The following PIEZO2 variants were observed in gnomAD, a reference collection of about 807,000 sequenced individuals.
PIEZO2 encodes the protein piezo-type mechanosensitive ion channel component 2.
PIEZO2 carries 172 observed loss-of-function variants against 337.3 expected under a neutral mutation model. That is an observed-to-expected ratio of 0.51 (90% CI 0.45 to 0.58). PIEZO2 has a LOEUF of 0.58. PIEZO2 is among the 20% of genes least tolerant of loss of function. PIEZO2 has a pLI of 0.00. For missense variants in PIEZO2, 3,028 were observed against 3,391.3 expected, an observed-to-expected ratio of 0.89 and a Z score of 2.66; for synonymous variants, 1,251 against 1,228.5, an observed-to-expected ratio of 1.02 and a Z score of -0.38.
At chr18:10,836,526 T>C (rs2041019118) in intron 7 of PIEZO2, among the ~76,000 whole-genome samples, 1 of 152,234 alleles carries the variant, frequency 6.6e-6, no homozygotes, top group Admixed American at 6.5e-5. Context: ...AACTGTTTAA[T>C]GTGAAGCTAT....
At chr18:10,745,187 C>T (rs1006343705) in intron 30 of PIEZO2, among the ~76,000 whole-genome samples, 8 of 152,152 alleles carry the variant, frequency 5.3e-5, no homozygotes, top group African/African-American at 1.9e-4. Context: ...GAAGAGGTAC[C>T]CTTTGTCTGA....
chr18:10,917,254 T>C (rs147037904), intron 3 of PIEZO2, among the ~76,000 whole-genome samples: 13 of 152,306 alleles, frequency 8.5e-5, no homozygotes, highest in Non-Finnish European at 1.6e-4. Flanking sequence ...TTACTTTAAA[T>C]CAGACATCTG....
intron 1 of PIEZO2, among the ~76,000 whole-genome samples, chr18:11,084,085 G>A (rs547821447): frequency 1.3e-5 from 2 of 149,638 alleles, no homozygotes; most frequent in East Asian, 2.0e-4. Context: ...GCTGAGGCAG[G>A]AGAATCACTT....
At chr18:10,892,716 A>G (rs2097635984) in intron 4 of PIEZO2, among the ~76,000 whole-genome samples, 1 of 152,196 alleles carries the variant, frequency 6.6e-6, no homozygotes, top group South Asian at 2.1e-4. Flanking sequence ...TTTAGCATGA[A>G]ACAATAAAGA....
At chr18:10,722,688 A>C (rs1047093899) in intron 36 of PIEZO2, among the ~76,000 whole-genome samples, 3 of 152,226 alleles carry the variant, frequency 2.0e-5, no homozygotes, top group African/African-American at 7.2e-5. Context: ...AAACATACAA[A>C]AAAGGGATAA....
chr18:10,827,224 A>C, intron 7 of PIEZO2, among the ~76,000 whole-genome samples: 1 of 152,142 alleles, frequency 6.6e-6, no homozygotes, highest in East Asian at 1.9e-4. Flanking sequence ...TTTTTCTGAA[A>C]TATTTAGATT....
intron 39 of PIEZO2, among the ~76,000 whole-genome samples, chr18:10,712,751 G>C (rs1463024181): frequency 6.6e-6 from 1 of 152,180 alleles, no homozygotes; most frequent in African/African-American, 2.4e-5. Context: ...TTCTTGGGTA[G>C]AAAGACACTG....
At chr18:10,749,940 C>A in intron 29 of PIEZO2, 151 bp downstream of exon 29, 3 of 595,972 alleles carry the variant, frequency 5.0e-6, no homozygotes, top group South Asian at 2.0e-5. Context: ...ACAATAGATT[C>A]ACAATGTACT....
chr18:10,733,597 T>C (rs899080383), intron 35 of PIEZO2, among the ~76,000 whole-genome samples: 156 of 152,078 alleles, frequency 1.0e-3, no homozygotes, highest in African/African-American at 3.5e-3. Context: ...TACAGGCGCC[T>C]GCCACCACGC....
In PIEZO2 at chr18:11,148,820, C is replaced by A. The variant is rs2040876845; in HGVS notation, c.-232G>T. 2 of 448,384 alleles carry A rather than the reference C, an allele frequency of 4.5e-6. No individual in the cohort carries two copies. The highest frequency in any genetic ancestry group is 4.7e-5 in the South Asian group (1 of 21,326). The allele number at this position is 448,384 out of a possible 1,614,324, so 27.8% of individuals were successfully genotyped here. On this transcript the variant is annotated 5_prime_UTR_variant, in exon 1 of 56. Transcript: ENST00000674853. This position sits in a 1 kb window ranked among gnomAD's most constrained non-coding sequence, Gnocchi z 5.2. ...TAGCCCCTCACCAGGCTCTTGGCGGCCACCTAGCCCGGCGCCCGGCCCCCT... is the reference window on the plus strand; with the variant it reads ...TAGCCCCTCACCAGGCTCTTGGCGGACACCTAGCCCGGCGCCCGGCCCCCT...
chr18:10,687,199 T>C (rs1356073542), intron 49 of PIEZO2, among the ~76,000 whole-genome samples: 1 of 152,160 alleles, frequency 6.6e-6, no homozygotes, highest in Non-Finnish European at 1.5e-5. Context: ...AAGTGTGCCA[T>C]GGTGGTTTGT....
rs566794450 is a variant in PIEZO2, at chr18:11,127,617, C to G, written c.64+20908G>C. On this transcript the variant is annotated intron_variant, in intron 1 of 55. Transcript: ENST00000674853. The surrounding 1 kb of genome is among the most constrained non-coding windows in gnomAD (Gnocchi z 4.5). ...AGACTCAGACTGGCTCTCCTTGCTC[C>G]TCAGCTTGCAGAAAGCCTATTGTGG... 1.3e-5 allele frequency among the ~76,000 whole-genome samples: 2 copies of G among 152,066 alleles called. No individual in the cohort carries two copies. The highest frequency in any genetic ancestry group is 3.9e-4 in the East Asian group (2 of 5,162).
At position 10,677,201 on chromosome 18, in the gene PIEZO2, T is replaced by C. The variant is rs1482770653; in HGVS notation, c.8081+546A>G. 6.6e-6 allele frequency among the ~76,000 whole-genome samples: 1 copy of C among 152,074 alleles called. No homozygotes were observed. Among genetic ancestry groups the C allele is most frequent in the Non-Finnish European group, 1.5e-5 (1 of 68,008 alleles). On this transcript the variant is annotated intron_variant, in intron 53 of 55. Transcript: ENST00000674853. The surrounding 1 kb of genome is among the most constrained non-coding windows in gnomAD (Gnocchi z 4.1). Reference sequence around the variant, plus strand: ...TAGCCTGGCACCATACAAACCCTCATTCATTTGTTTTTTATTATTTATTTA... The same window carrying C: ...TAGCCTGGCACCATACAAACCCTCACTCATTTGTTTTTTATTATTTATTTA...
In PIEZO2 at chr18:10,748,780, A is replaced by G. The variant is rs149587094; in HGVS notation, c.4265-150T>C. The G allele has an allele frequency of 2.0e-4, 146 of 714,712 alleles. No homozygotes were observed. In the African/African-American group the frequency reaches 2.5e-3, roughly 12 times the overall value. The allele number at this position is 714,712 out of a possible 1,614,324, so 44.3% of individuals were successfully genotyped here. On this transcript the variant is annotated intron_variant, in intron 29 of 55. Coordinates refer to ENST00000674853, the MANE Select transcript of PIEZO2 (RefSeq NM_001378183.1). The surrounding 1 kb of genome is among the most constrained non-coding windows in gnomAD (Gnocchi z 5.1). ...TTACTTATGAGTTGATTTATTTACA[A>G]GGAGATCACACACTTCCAATCCAAT... is the stretch of plus-strand genomic sequence containing the variant.
intron 3 of PIEZO2, among the ~76,000 whole-genome samples, chr18:10,918,908 A>G (rs918633735): frequency 2.0e-5 from 3 of 152,022 alleles, no homozygotes; most frequent in African/African-American, 7.2e-5. Context: ...ATGAGCAACT[A>G]TACCTATATC....
At chr18:10,710,530 A>C (rs569323456) in intron 39 of PIEZO2, among the ~76,000 whole-genome samples, 1 of 152,372 alleles carries the variant, frequency 6.6e-6, no homozygotes, top group South Asian at 2.1e-4. Context: ...CCATTAAAAA[A>C]TTTTTGCCAT....
chr18:11,102,877 T>C lies in PIEZO2; in HGVS notation c.65-36655A>G, dbSNP rs1403773747. On this transcript the variant is annotated intron_variant, in intron 1 of 55. Coordinates refer to ENST00000674853, the MANE Select transcript of PIEZO2 (RefSeq NM_001378183.1). This position sits in a 1 kb window ranked among gnomAD's most constrained non-coding sequence, Gnocchi z 5.7. Reference sequence around the variant, plus strand: ...TGCCCCGTCCCCAAGGCACAGCACTTTCCAGTTTTGCCACTTGAGAGAGAC... The same window carrying C: ...TGCCCCGTCCCCAAGGCACAGCACTCTCCAGTTTTGCCACTTGAGAGAGAC... 6.6e-5 allele frequency among the ~76,000 whole-genome samples: 10 copies of C among 152,190 alleles called. No homozygotes were observed. Among genetic ancestry groups the C allele is most frequent in the Admixed American group, 6.5e-4 (10 of 15,276 alleles).
intron 2 of PIEZO2, among the ~76,000 whole-genome samples, chr18:11,046,591 G>T (rs141399620): frequency 2.6e-5 from 4 of 152,232 alleles, no homozygotes; most frequent in African/African-American, 9.6e-5. Flanking sequence ...GCTCCTTTGC[G>T]CCGTGGCTCC....
chr18:10,882,717 G>T (rs1010105738), intron 4 of PIEZO2, among the ~76,000 whole-genome samples: 19 of 151,568 alleles, frequency 1.3e-4, no homozygotes, highest in Non-Finnish European at 1.6e-4. Context: ...TGGGATGGTT[G>T]TCTTTCTGTG....
Sources: gnomAD v4.1 joint callset for allele counts (sites outside exome capture counted in the v4.1 genomes callset) on GRCh38, gnomAD v4.1.1 for gene constraint, Gnocchi (gnomAD v3.1) non-coding constraint, MANE v1.5 for transcripts, NCBI Gene and HGNC (gene_info 2026-07-23, HGNC 2026-07-21) for gene names.